NTRK3: variants seen among roughly 807,000 people sequenced by gnomAD.
NTRK3 encodes the protein neurotrophic receptor tyrosine kinase 3.
A neutral mutation model predicts 91.7 loss-of-function variants in NTRK3; 24 were observed. The observed-to-expected ratio is 0.26, with a 90% CI of 0.19 to 0.37. The LOEUF (loss-of-function observed/expected upper bound fraction) is 0.37. Among genes scored for constraint, NTRK3 ranks in the 10% least tolerant of loss-of-function variants. NTRK3 has a pLI of 1.00. For synonymous variants in NTRK3, 483 were observed against 404.0 expected (o/e 1.20, Z -2.34); for missense variants, 880 against 1,068.9 (o/e 0.82, Z 2.46).
chr15:87,870,269 T>C (rs899772594), exon 19 of NTRK3: 1 of 186,804 alleles, frequency 5.4e-6, no homozygotes, highest in Non-Finnish European at 1.1e-5. Flanking sequence ...AGGAATGAAT[T>C]AATGGCATTC....
chr15:88,121,751 C>T (rs952748793), intron 13 of NTRK3, among the ~76,000 whole-genome samples: 2 of 152,244 alleles, frequency 1.3e-5, no homozygotes, highest in African/African-American at 4.8e-5. Context: ...AGCAGGAGGG[C>T]TGGCTGATAG....
At chr15:88,064,478 C>T (rs1008940956) in intron 13 of NTRK3, among the ~76,000 whole-genome samples, 1 of 152,122 alleles carries the variant, frequency 6.6e-6, no homozygotes, top group Non-Finnish European at 1.5e-5. Context: ...AATGCACTGT[C>T]CCATTTTACA....
intron 13 of NTRK3, among the ~76,000 whole-genome samples, chr15:88,062,253 C>G (rs902442102): frequency 7.9e-5 from 12 of 152,118 alleles, no homozygotes; most frequent in Non-Finnish European, 1.8e-4. Flanking sequence ...GTAGTATATC[C>G]CACAGAGGTG....
chr15:88,166,464 C>A (rs575482728), intron 5 of NTRK3, among the ~76,000 whole-genome samples: 2 of 152,102 alleles, frequency 1.3e-5, no homozygotes, highest in Non-Finnish European at 2.9e-5. Flanking sequence ...GAAGGTGAGC[C>A]GGGGACTAGG....
chr15:87,959,330 G>A (rs1351446554), intron 14 of NTRK3, among the ~76,000 whole-genome samples: 1 of 152,202 alleles, frequency 6.6e-6, no homozygotes, highest in Admixed American at 6.5e-5. Flanking sequence ...TGCTCAATAA[G>A]TATTCGTTAA....
At chr15:88,152,218 T>C (rs1271128331) in intron 5 of NTRK3, among the ~76,000 whole-genome samples, 1 of 152,112 alleles carries the variant, frequency 6.6e-6, no homozygotes, top group East Asian at 1.9e-4. Context: ...GGAGAATCGC[T>C]TGAACCCAGG....
At chr15:87,869,124 T>C (rs1263386216) in exon 19 of NTRK3, 1 of 228,900 alleles carries the variant, frequency 4.4e-6, no homozygotes, top group African/African-American at 2.2e-5. Context: ...GGAAACCCAA[T>C]ACAATGACAA....
At chr15:87,972,394 A>G (rs1310976568) in intron 14 of NTRK3, among the ~76,000 whole-genome samples, 1 of 152,204 alleles carries the variant, frequency 6.6e-6, no homozygotes, top group Non-Finnish European at 1.5e-5. Context: ...AGGGACTGCC[A>G]TACTGGAACG....
At chr15:88,128,495 G>T (rs2053514820) in intron 11 of NTRK3, among the ~76,000 whole-genome samples, 1 of 152,160 alleles carries the variant, frequency 6.6e-6, no homozygotes. Context: ...CTCCCTGGGG[G>T]ATAGTGAACC....
At chr15:88,204,447 T>C (rs1306223761) in intron 3 of NTRK3, among the ~76,000 whole-genome samples, 3 of 152,176 alleles carry the variant, frequency 2.0e-5, no homozygotes, top group African/African-American at 7.2e-5. Context: ...GGAAGCCAGA[T>C]TTTGATCACT....
At chr15:87,865,308 T>C (rs1407807819) in exon 19 of NTRK3, 1 of 209,744 alleles carries the variant, frequency 4.8e-6, no homozygotes, top group Non-Finnish European at 9.7e-6. Context: ...AGAGTACTTA[T>C]AATAGTGGCT....
chr15:88,194,247 C>A (rs879865436), intron 3 of NTRK3, among the ~76,000 whole-genome samples: 1 of 152,238 alleles, frequency 6.6e-6, no homozygotes, highest in Non-Finnish European at 1.5e-5. Context: ...ATGTTGGAGT[C>A]TCCCAGGGAG....
chr15:87,901,543 T>A (rs1319697114), intron 17 of NTRK3, among the ~76,000 whole-genome samples: 2 of 152,242 alleles, frequency 1.3e-5, no homozygotes, highest in Non-Finnish European at 2.9e-5. Context: ...AAGAGATGCT[T>A]TCAGCATTCC....
chr15:87,860,202 A>G (rs1303214952), exon 19 of NTRK3: 1 of 222,534 alleles, frequency 4.5e-6, no homozygotes, highest in East Asian at 6.5e-5. Context: ...GGATGGAAGC[A>G]TGAGGGTGAA....
At chr15:88,194,714 A>G (rs909952808) in intron 3 of NTRK3, among the ~76,000 whole-genome samples, 1 of 152,212 alleles carries the variant, frequency 6.6e-6, no homozygotes, top group Non-Finnish European at 1.5e-5. Context: ...CAAAACAAAC[A>G]AAAAACCTCT....
At chr15:88,129,678 AG>A in intron 10 of NTRK3, among the ~76,000 whole-genome samples, 1 of 152,332 alleles carries the variant, frequency 6.6e-6, no homozygotes, top group African/African-American at 2.4e-5. Flanking sequence ...CTAAAAAGTA[AG>A]AAAGTGCTCA....
chr15:88,033,121 C>G (rs901276949), intron 13 of NTRK3, 76 bp from the exon 14 acceptor site: 2 of 1,357,204 alleles, frequency 1.5e-6, no homozygotes, highest in Non-Finnish European at 2.0e-6. Context: ...ACAGACAACC[C>G]CCAACTACTG....
At chr15:87,934,968 G>A (rs558077405) in intron 15 of NTRK3, among the ~76,000 whole-genome samples, 2 of 152,106 alleles carry the variant, frequency 1.3e-5, no homozygotes, top group South Asian at 2.1e-4. Context: ...ATTAATCTAC[G>A]GCTGACAAAA....
chr15:88,078,952 C>T (rs2047802036), intron 13 of NTRK3, among the ~76,000 whole-genome samples: 1 of 152,204 alleles, frequency 6.6e-6, no homozygotes, highest in Admixed American at 6.5e-5. Flanking sequence ...TGGGGCACCC[C>T]AGTGGGTCTG....
Sources: allele counts gnomAD v4.1 joint callset (sites outside exome capture counted in the v4.1 genomes callset), GRCh38; gene constraint gnomAD v4.1.1; transcripts MANE v1.5; gene names NCBI Gene and HGNC (gene_info 2026-07-23, HGNC 2026-07-21).